Variants in MANBA observed in about 807,000 individuals in gnomAD.
The protein encoded by MANBA is beta-mannosidase.
Under a neutral mutation model 111.1 loss-of-function variants are expected in MANBA, and 83 were observed. The ratio of observed to expected loss-of-function variants is 0.75; its 90% CI spans 0.63 to 0.90. The LOEUF (loss-of-function observed/expected upper bound fraction) is 0.90. Among genes scored for constraint, MANBA ranks in the 40% least tolerant of loss-of-function variants. The pLI is 0.00. For missense variants in MANBA, 1,036 were observed against 1,069.0 expected (o/e 0.97, Z 0.43); for synonymous variants, 370 against 378.7 (o/e 0.98, Z 0.27).
intron 13 of MANBA, among the ~76,000 whole-genome samples, chr4:102,644,318 G>A (rs1730008000): frequency 6.6e-6 from 1 of 152,112 alleles, no homozygotes; most frequent in Non-Finnish European, 1.5e-5. Flanking sequence ...TCAGTATGTT[G>A]AAGAGATATC....
intron 5 of MANBA, among the ~76,000 whole-genome samples, chr4:102,712,524 C>CT (rs34353180): frequency 0.046 from 6,722 of 144,888 alleles, 301 homozygotes; most frequent in African/African-American, 0.12. Flanking sequence ...AATCGGACCA[C>CT]TTTTTTTTTT....
At chr4:102,731,611 C>G (rs1723036542) in intron 1 of MANBA, among the ~76,000 whole-genome samples, 2 of 152,196 alleles carry the variant, frequency 1.3e-5, no homozygotes, top group Non-Finnish European at 2.9e-5. Flanking sequence ...TAAGAATGGA[C>G]ATGTGCCCAT....
At chr4:102,636,292 C>T (rs1249106545) in intron 14 of MANBA, among the ~76,000 whole-genome samples, 6 of 152,196 alleles carry the variant, frequency 3.9e-5, no homozygotes, top group Non-Finnish European at 5.9e-5. Flanking sequence ...TGTACTTAAA[C>T]AAACCAAGAT....
At chr4:102,715,479 T>A (rs1722283716) in intron 4 of MANBA, among the ~76,000 whole-genome samples, 1 of 152,214 alleles carries the variant, frequency 6.6e-6, no homozygotes, top group Non-Finnish European at 1.5e-5. Context: ...TCAGAAAACC[T>A]ATAGTCCACA....
At chr4:102,717,299 T>C (rs1258482330) in intron 4 of MANBA, among the ~76,000 whole-genome samples, 2 of 147,994 alleles carry the variant, frequency 1.4e-5, no homozygotes, top group Non-Finnish European at 3.0e-5. Context: ...AGTTTTACAA[T>C]GGAAATAGGC....
At chr4:102,730,227 G>GCTTCTCCACTCCTTC in intron 1 of MANBA, 1 of 588,930 alleles carries the variant, frequency 1.7e-6, no homozygotes, top group Non-Finnish European at 3.0e-6. Flanking sequence ...CCCAGAAGGA[G>GCTTCTCCACTCCTTC]TGGAGAAGCT....
At chr4:102,680,754 A>G (rs1213800137) in intron 7 of MANBA, among the ~76,000 whole-genome samples, 1 of 152,236 alleles carries the variant, frequency 6.6e-6, no homozygotes, top group African/African-American at 2.4e-5. Flanking sequence ...ATCCTGGCCC[A>G]TAGCAGAGGT....
chr4:102,640,143 T>C (rs1009960342), intron 13 of MANBA, among the ~76,000 whole-genome samples: 29 of 152,142 alleles, frequency 1.9e-4, no homozygotes, highest in African/African-American at 6.5e-4. Flanking sequence ...CTGCTAATGA[T>C]AGTGTAGGCC....
intron 1 of MANBA, among the ~76,000 whole-genome samples, chr4:102,738,158 GAAC>G (rs1175383343): frequency 1.1e-4 from 16 of 152,282 alleles, no homozygotes; most frequent in African/African-American, 3.4e-4. Context: ...ACTGATAAAA[GAAC>G]AACCCTGCTC....
At chr4:102,746,335 C>T (rs1723585397) in intron 1 of MANBA, among the ~76,000 whole-genome samples, 1 of 152,194 alleles carries the variant, frequency 6.6e-6, no homozygotes. Flanking sequence ...ATGATAAGAG[C>T]TTGTGTCTAT....
intron 7 of MANBA, among the ~76,000 whole-genome samples, chr4:102,680,637 AG>A (rs1348145951): frequency 2.0e-5 from 3 of 152,196 alleles, no homozygotes; most frequent in Non-Finnish European, 2.9e-5. Context: ...AAATTCCACA[AG>A]GCTCAGAGAA....
At chr4:102,671,837 T>C (rs1356714055) in intron 8 of MANBA, 5 of 426,052 alleles carry the variant, frequency 1.2e-5, no homozygotes, top group Non-Finnish European at 1.6e-5. Flanking sequence ...GTAAATTTCC[T>C]TTCTACTTTT....
chr4:102,697,948 G>A (rs1732810018), intron 5 of MANBA, among the ~76,000 whole-genome samples: 1 of 151,664 alleles, frequency 6.6e-6, no homozygotes, highest in Non-Finnish European at 1.5e-5. Context: ...CTTCCACAAT[G>A]GTTGAACTAG....
At chr4:102,752,468 T>A in intron 1 of MANBA, 1 of 764,508 alleles carries the variant, frequency 1.3e-6, no homozygotes, top group Non-Finnish European at 2.4e-6. Flanking sequence ...TCAGGATCTT[T>A]AGATAACATT....
At chr4:102,742,746 G>A (rs780532039) in intron 1 of MANBA, among the ~76,000 whole-genome samples, 4 of 152,170 alleles carry the variant, frequency 2.6e-5, no homozygotes, top group Non-Finnish European at 4.4e-5. Context: ...TGCAGGATAG[G>A]CAAACCCATA....
At chr4:102,686,147 C>A (rs140210643) in intron 7 of MANBA, among the ~76,000 whole-genome samples, 2 of 152,194 alleles carry the variant, frequency 1.3e-5, no homozygotes, top group Admixed American at 1.3e-4. Context: ...TCTTCCCAGG[C>A]GCTCTGAGAA....
chr4:102,692,877 G>C (rs1443589919), intron 5 of MANBA, among the ~76,000 whole-genome samples: 1 of 151,142 alleles, frequency 6.6e-6, no homozygotes, highest in Non-Finnish European at 1.5e-5. Context: ...AAAAAAAAAA[G>C]CTAGGTTTCT....
chr4:102,636,901 C>G (rs571809960), intron 14 of MANBA, among the ~76,000 whole-genome samples: 2 of 152,090 alleles, frequency 1.3e-5, no homozygotes, highest in Admixed American at 1.3e-4. Context: ...ATTGTAGCTC[C>G]CACAATTCCC....
chr4:102,635,105 C>G, intron 15 of MANBA, 60 bp from the exon 16 acceptor site: 1 of 1,573,558 alleles, frequency 6.4e-7, no homozygotes, highest in Non-Finnish European at 8.7e-7. Flanking sequence ...TTTTAAGGAA[C>G]AATAGTAGTA....
Sources: gnomAD v4.1 joint callset for allele counts (sites outside exome capture counted in the v4.1 genomes callset) on GRCh38, gnomAD v4.1.1 for gene constraint, MANE v1.5 for transcripts, NCBI Gene and HGNC (gene_info 2026-07-23, HGNC 2026-07-21) for gene names.